The following PVT1 variants were observed in gnomAD, a reference collection of about 807,000 sequenced individuals.
PVT1 encodes the protein Pvt1 oncogene.
chr8:127,916,013 G>A (rs1815980612), intron 3 of PVT1, among the ~76,000 whole-genome samples: 1 of 152,206 alleles, frequency 6.6e-6, no homozygotes, highest in South Asian at 2.1e-4. Context: ...TAGGCCAATA[G>A]GGACTCCCCA....
At chr8:128,041,576 G>A (rs1441594751) in intron 4 of PVT1, among the ~76,000 whole-genome samples, 5 of 147,300 alleles carry the variant, frequency 3.4e-5, no homozygotes, top group Non-Finnish European at 7.5e-5. Context: ...TTGTGTGTGT[G>A]TTTGTGTGTG....
chr8:127,999,267 TG>T (rs1401985692), intron 4 of PVT1: 1 of 152,134 alleles, frequency 6.6e-6, no homozygotes, highest in Non-Finnish European at 1.5e-5. Context: ...TTTGTGGTAA[TG>T]GGGGACTGCA....
intron 2 of PVT1, among the ~76,000 whole-genome samples, chr8:127,869,764 A>G (rs1259431785): frequency 6.6e-6 from 1 of 152,168 alleles, no homozygotes; most frequent in Non-Finnish European, 1.5e-5. Flanking sequence ...TCATGCCTGT[A>G]TGAACTTCAG....
chr8:127,874,496 A>G (rs1195952719), intron 2 of PVT1, among the ~76,000 whole-genome samples: 2 of 152,158 alleles, frequency 1.3e-5, no homozygotes, highest in Non-Finnish European at 2.9e-5. Context: ...CTTCAATCCC[A>G]GTTCATCTTA....
intron 5 of PVT1, among the ~76,000 whole-genome samples, chr8:128,080,204 T>C (rs1814158861): frequency 6.6e-6 from 1 of 152,226 alleles, no homozygotes; most frequent in Non-Finnish European, 1.5e-5. Context: ...AACATTTGTG[T>C]GTAGGTTTTT....
At chr8:128,000,418 G>A (rs879789024) in intron 4 of PVT1, among the ~76,000 whole-genome samples, 9 of 152,204 alleles carry the variant, frequency 5.9e-5, no homozygotes, top group Non-Finnish European at 1.2e-4. Context: ...AGGAGATCAG[G>A]CCAGCACCTG....
At chr8:127,921,857 T>G (rs1816063961) in intron 3 of PVT1, among the ~76,000 whole-genome samples, 1 of 75,212 alleles carries the variant, frequency 1.3e-5, no homozygotes, top group Non-Finnish European at 2.5e-5. Context: ...GGTTCATGTT[T>G]TTTTTTTTTT....
intron 5 of PVT1, among the ~76,000 whole-genome samples, chr8:128,093,262 TTGC>T (rs1284945409): frequency 6.6e-6 from 1 of 152,096 alleles, no homozygotes; most frequent in Non-Finnish European, 1.5e-5. Flanking sequence ...CTCTTAAGAG[TTGC>T]TGTAAGGCTT....
intron 4 of PVT1, among the ~76,000 whole-genome samples, chr8:128,062,401 C>G (rs62516180): frequency 6.6e-6 from 1 of 152,026 alleles, no homozygotes; most frequent in South Asian, 2.1e-4. Flanking sequence ...CCTAAATGCA[C>G]CTGTTCAGAG....
At chr8:128,038,055 C>A (rs185184694) in intron 4 of PVT1, among the ~76,000 whole-genome samples, 1 of 152,250 alleles carries the variant, frequency 6.6e-6, no homozygotes, top group African/African-American at 2.4e-5. Context: ...TGATATAATT[C>A]TGGCCAGTAT....
rs1814865318 is a variant in PVT1, at chr8:127,832,681, A to AC, written n.372+36614dup. Among the ~76,000 whole-genome samples, 3 of 152,142 alleles carry AC rather than the reference A, an allele frequency of 2.0e-5. No homozygotes were observed. The South Asian group carries it at 6.2e-4, about 32-fold the overall frequency. ...AGACCATCCTGGCTAACATGGTGAA[A>AC]CCCCATCTCTACTAAAAATACAAAA... On this transcript the variant is annotated intron_variant and non_coding_transcript_variant, in intron 2 of 10. Coordinates refer to ENST00000651587, the Ensembl canonical transcript of PVT1.
intron 3 of PVT1, among the ~76,000 whole-genome samples, chr8:127,946,184 T>C (rs1214572806): frequency 6.6e-6 from 1 of 152,220 alleles, no homozygotes; most frequent in Non-Finnish European, 1.5e-5. Flanking sequence ...CTGCTCATGC[T>C]TACTCTCCCA....
At chr8:128,038,672 C>T (rs779566829) in intron 4 of PVT1, among the ~76,000 whole-genome samples, 2 of 152,100 alleles carry the variant, frequency 1.3e-5, no homozygotes, top group African/African-American at 2.4e-5. Context: ...CTAGTTGACT[C>T]CTTGGGGACG....
chr8:127,826,058 T>TTATG (rs1814785189), intron 2 of PVT1, among the ~76,000 whole-genome samples: 1 of 148,314 alleles, frequency 6.7e-6, no homozygotes, highest in Non-Finnish European at 1.5e-5. Context: ...TGAGGTCTTG[T>TTATG]TATGTTGCCC....
intron 3 of PVT1, among the ~76,000 whole-genome samples, chr8:127,928,117 A>G (rs1352009802): frequency 2.0e-5 from 3 of 152,160 alleles, no homozygotes; most frequent in Non-Finnish European, 2.9e-5. Context: ...TGTAAAATCT[A>G]GTTTTAGCAA....
intron 2 of PVT1, among the ~76,000 whole-genome samples, chr8:127,830,049 G>A (rs1260661148): frequency 6.6e-6 from 1 of 152,054 alleles, no homozygotes; most frequent in Non-Finnish European, 1.5e-5. Flanking sequence ...TAGATCCAGG[G>A]CCCACCCTGA....
intron 4 of PVT1, among the ~76,000 whole-genome samples, chr8:128,038,890 CA>C (rs1813495430): frequency 6.6e-6 from 1 of 152,138 alleles, no homozygotes; most frequent in Non-Finnish European, 1.5e-5. Context: ...CAGTAGGAAA[CA>C]TGGTAATTCC....
At chr8:128,068,746 C>T (rs1813944875) in intron 4 of PVT1, among the ~76,000 whole-genome samples, 1 of 152,204 alleles carries the variant, frequency 6.6e-6, no homozygotes, top group Non-Finnish European at 1.5e-5. Flanking sequence ...CCTGTCTCGG[C>T]CTCTCAAAGT....
intron 4 of PVT1, among the ~76,000 whole-genome samples, chr8:128,062,206 A>G (rs1377860548): frequency 2.6e-5 from 4 of 152,230 alleles, no homozygotes; most frequent in Non-Finnish European, 5.9e-5. Context: ...GGGAGACAGG[A>G]CAGCTGCTTT....
Sources: gnomAD v4.1 joint callset for allele counts (sites outside exome capture counted in the v4.1 genomes callset) on GRCh38, gnomAD v4.1.1 for gene constraint, MANE v1.5 for transcripts, NCBI Gene and HGNC (gene_info 2026-07-23, HGNC 2026-07-21) for gene names.